PTPRM: variants seen among roughly 807,000 people sequenced by gnomAD.
PTPRM encodes the protein protein tyrosine phosphatase receptor type M.
Under a neutral mutation model 186.7 loss-of-function variants are expected in PTPRM, and 47 were observed. The ratio of observed to expected loss-of-function variants is 0.25; its 90% CI spans 0.20 to 0.32. PTPRM has a LOEUF of 0.32. Among genes scored for constraint, PTPRM ranks in the 10% least tolerant of loss-of-function variants. The pLI, the probability that PTPRM is intolerant of heterozygous loss-of-function variation, is 1.00. For synonymous variants in PTPRM, 668 were observed against 674.9 expected, an observed-to-expected ratio of 0.99 and a Z score of 0.16; for missense variants, 1,494 against 1,865.0, an observed-to-expected ratio of 0.80 and a Z score of 3.66.
chr18:7,631,035 G>A lies in PTPRM; in HGVS notation c.73+63144G>A, dbSNP rs181210340. Among the ~76,000 whole-genome samples, 510 of 152,234 alleles carry A rather than the reference G, an allele frequency of 3.4e-3. 14 individuals carry two copies. The highest frequency in any genetic ancestry group is 0.03 in the Admixed American group (454 of 15,284). On this transcript the variant is annotated intron_variant, in intron 1 of 32. Coordinates refer to ENST00000580170, the MANE Select transcript of PTPRM (RefSeq NM_001105244.2). ...TATCAAATTAAATTCAGAGATCCCG[G>A]GGACTACCGGCCAGAAACATTTTCC...
intron 2 of PTPRM, among the ~76,000 whole-genome samples, chr18:7,833,743 AAACAACAACAACAAC>A (rs150303636): frequency 0.52 from 78,437 of 149,604 alleles, 22,280 homozygotes; most frequent in East Asian, 0.8. Context: ...TCAGAAAGAA[AAACAACAACAACAAC>A]AACAACAACA....
chr18:7,625,968 G>A (rs1002582455), intron 1 of PTPRM, among the ~76,000 whole-genome samples: 10 of 152,294 alleles, frequency 6.6e-5, no homozygotes, highest in Admixed American at 1.3e-4. Flanking sequence ...CAGGTCCTCG[G>A]CATCCAGCTG....
chr18:7,815,321 T>G (rs1168850739), intron 2 of PTPRM: 1 of 152,276 alleles, frequency 6.6e-6, no homozygotes, highest in Non-Finnish European at 1.5e-5. Flanking sequence ...GAATAAAGCC[T>G]GGCAATACTC....
chr18:8,199,921 G>A (rs2093830603), intron 14 of PTPRM, among the ~76,000 whole-genome samples: 1 of 152,004 alleles, frequency 6.6e-6, no homozygotes, highest in South Asian at 2.1e-4. Context: ...CCAGTTTTCT[G>A]AGTCAAAGCC....
chr18:7,854,327 T>G (rs2046994280), intron 2 of PTPRM, among the ~76,000 whole-genome samples: 1 of 152,136 alleles, frequency 6.6e-6, no homozygotes, highest in Non-Finnish European at 1.5e-5. Context: ...CTCTCTTAGC[T>G]AAAGCAGAAA....
chr18:7,584,022 G>A (rs2036913179), intron 1 of PTPRM, among the ~76,000 whole-genome samples: 1 of 152,164 alleles, frequency 6.6e-6, no homozygotes, highest in African/African-American at 2.4e-5. Flanking sequence ...AAATAATCTA[G>A]TGAGTAAATT....
rs182739988 is a variant in PTPRM, at chr18:8,064,279, T to C, written c.1133-5407T>C. 1.3e-3 allele frequency among the ~76,000 whole-genome samples: 200 copies of C among 152,292 alleles called. 1 individual carries two copies. The highest frequency in any genetic ancestry group is 4.4e-3 in the African/African-American group (184 of 41,568). On this transcript the variant is annotated intron_variant, in intron 7 of 32. Coordinates refer to ENST00000580170, the MANE Select transcript of PTPRM (RefSeq NM_001105244.2). ...CAGCATTTGGAATACAAGAAAGACA[T>C]GGTGAGACTATGTCCATCTTAAACC...
intron 32 of PTPRM, among the ~76,000 whole-genome samples, chr18:8,398,104 C>T (rs937618584): frequency 1.3e-5 from 2 of 152,208 alleles, no homozygotes; most frequent in African/African-American, 4.8e-5. Flanking sequence ...TCTCAAGTAG[C>T]TGGAACTAAA....
At chr18:8,300,652 G>A (rs2095146925) in intron 20 of PTPRM, among the ~76,000 whole-genome samples, 1 of 152,080 alleles carries the variant, frequency 6.6e-6, no homozygotes. Context: ...TCTGTTTCTG[G>A]GCATTGCGGT....
At chr18:7,956,692 A>G (rs757260065) in intron 7 of PTPRM, among the ~76,000 whole-genome samples, 6 of 152,290 alleles carry the variant, frequency 3.9e-5, no homozygotes, top group South Asian at 2.1e-4. Flanking sequence ...CTCTAAGGAG[A>G]AAGGAGAATT....
At chr18:7,818,978 C>T (rs975845943) in intron 2 of PTPRM, among the ~76,000 whole-genome samples, 1 of 152,116 alleles carries the variant, frequency 6.6e-6, no homozygotes, top group Non-Finnish European at 1.5e-5. Context: ...TAAGGTTAGG[C>T]TTGAGGAAGC....
intron 19 of PTPRM, among the ~76,000 whole-genome samples, chr18:8,288,843 A>G (rs946922689): frequency 1.3e-5 from 2 of 152,198 alleles, no homozygotes; most frequent in Non-Finnish European, 2.9e-5. Context: ...AAGAAAGGCA[A>G]CTTGATTGAG....
At chr18:7,648,371 G>A (rs771758669) in intron 1 of PTPRM, among the ~76,000 whole-genome samples, 2 of 152,108 alleles carry the variant, frequency 1.3e-5, no homozygotes, top group Non-Finnish European at 2.9e-5. Flanking sequence ...TGGCCTCTAA[G>A]TGTTTAAGAG....
intron 4 of PTPRM, among the ~76,000 whole-genome samples, chr18:7,925,434 C>G (rs1172060623): frequency 6.6e-6 from 1 of 152,082 alleles, no homozygotes; most frequent in Non-Finnish European, 1.5e-5. Flanking sequence ...TTTCTTTGTT[C>G]TTTGTTCTGA....
chr18:8,140,639 C>T (rs1277084550), intron 13 of PTPRM, among the ~76,000 whole-genome samples: 1 of 152,000 alleles, frequency 6.6e-6, no homozygotes, highest in African/African-American at 2.4e-5. Context: ...CTTAATCTCC[C>T]TGTAATATTT....
intron 4 of PTPRM, among the ~76,000 whole-genome samples, chr18:7,925,109 G>A (rs1445835681): frequency 1.3e-5 from 2 of 152,098 alleles, no homozygotes; most frequent in Non-Finnish European, 2.9e-5. Context: ...AAAACAATGG[G>A]TCTTTGACTT....
In PTPRM at chr18:8,138,079, C is replaced by T. The variant is rs550316794; in HGVS notation, c.2168-5568C>T. Reference sequence around the variant, plus strand: ...ATATGAACAGGACAGTGCTGGCCCACGTTCACGGCTTCATCCCTTATATTT... The same window carrying T: ...ATATGAACAGGACAGTGCTGGCCCATGTTCACGGCTTCATCCCTTATATTT... On this transcript the variant is annotated intron_variant, in intron 13 of 32. Coordinates refer to ENST00000580170, the MANE Select transcript of PTPRM (RefSeq NM_001105244.2). Among the ~76,000 whole-genome samples, 10 of 152,298 alleles carry T rather than the reference C, an allele frequency of 6.6e-5. No individual in the cohort carries two copies. In the East Asian group the frequency reaches 1.5e-3, roughly 24 times the overall value.
At chr18:7,887,843 G>A (rs2048863022) in intron 2 of PTPRM, among the ~76,000 whole-genome samples, 1 of 152,104 alleles carries the variant, frequency 6.6e-6, no homozygotes, top group South Asian at 2.1e-4. Flanking sequence ...CAAACATTAT[G>A]CTACATTTCT....
chr18:7,980,567 A>G (rs2082494011), intron 7 of PTPRM, among the ~76,000 whole-genome samples: 1 of 151,820 alleles, frequency 6.6e-6, no homozygotes, highest in Non-Finnish European at 1.5e-5. Context: ...AAATTTTTGT[A>G]GGGACTGGGC....
Sources: allele counts gnomAD v4.1 joint callset (sites outside exome capture counted in the v4.1 genomes callset), GRCh38; gene constraint gnomAD v4.1.1; transcripts MANE v1.5; gene names NCBI Gene and HGNC (gene_info 2026-07-23, HGNC 2026-07-21).